Variants in PCDHGA9 observed in about 807,000 individuals in gnomAD.
The protein encoded by PCDHGA9 is protocadherin gamma-A9.
Under a neutral mutation model 62.5 loss-of-function variants are expected in PCDHGA9, and 37 were observed. The ratio of observed to expected loss-of-function variants is 0.59; its 90% CI spans 0.46 to 0.78. The LOEUF is 0.78. Ranked by LOEUF, PCDHGA9 falls within the 30% of genes least tolerant of loss-of-function variation. The probability of loss-of-function intolerance (pLI) is 0.00; values close to 1 mark genes in which losing one functional copy is unlikely to be tolerated. For synonymous variants in PCDHGA9, 459 were observed against 484.6 expected (o/e 0.95, Z 0.69); for missense variants, 1,138 against 1,166.2 (o/e 0.98, Z 0.35).
intron 1 of PCDHGA9, chr5:141,415,059 C>A: frequency 1.2e-6 from 2 of 1,613,396 alleles, no homozygotes; most frequent in Non-Finnish European, 1.7e-6. Flanking sequence ...AGCACACGGG[C>A]GAGGTGCGCA....
Position 141,485,741 on chromosome 5 carries a change from C to A in PCDHGA9, c.2425-9066C>A. 6.2e-7 allele frequency: 1 copy of A among 1,614,180 alleles called. No homozygotes were observed. Among genetic ancestry groups the A allele is most frequent in the Non-Finnish European group, 8.5e-7 (1 of 1,179,992 alleles). On this transcript the variant is annotated intron_variant, in intron 1 of 3. Coordinates refer to ENST00000573521, the MANE Select transcript of PCDHGA9 (RefSeq NM_018921.3). This position sits in a 1 kb window ranked among gnomAD's most constrained non-coding sequence, Gnocchi z 5.7. ...TGTGAAGAAGCGCAGCGACGGCAGC[C>A]TGGTCCCAGAGCTGCTCCTGGAGAA...
chr5:141,459,699 A>G (rs2098973201), intron 1 of PCDHGA9, among the ~76,000 whole-genome samples: 1 of 152,218 alleles, frequency 6.6e-6, no homozygotes, highest in Non-Finnish European at 1.5e-5. Flanking sequence ...TCCGCTTGCT[A>G]CATTTTCTCA....
Position 141,486,734 on chromosome 5 carries a change from C to A in PCDHGA9, c.2425-8073C>A. ...CCAGACAGGAGCTGTTCATGCTACT[C>A]GATCCTTTGACTATGAGCAAACCCA... On this transcript the variant is annotated intron_variant, in intron 1 of 3. Transcript: ENST00000573521. The surrounding 1 kb of genome is among the most constrained non-coding windows in gnomAD (Gnocchi z 5.0). The A allele has an allele frequency of 1.2e-6, 2 of 1,614,188 alleles. No homozygotes were observed. Among genetic ancestry groups the A allele is most frequent in the Non-Finnish European group, 1.7e-6 (2 of 1,180,040 alleles).
At chr5:141,414,356 T>C in intron 1 of PCDHGA9, 1 of 1,613,950 alleles carries the variant, frequency 6.2e-7, no homozygotes, top group Non-Finnish European at 8.5e-7. Flanking sequence ...TTGGCGTATC[T>C]ACCATTTAAA....
chr5:141,498,726 G>T (rs2099785379), intron 2 of PCDHGA9, among the ~76,000 whole-genome samples: 1 of 152,172 alleles, frequency 6.6e-6, no homozygotes, highest in Admixed American at 6.5e-5. Context: ...GAGGTCAGGA[G>T]TTTGAGACCA....
intron 1 of PCDHGA9, among the ~76,000 whole-genome samples, chr5:141,473,873 C>CA (rs1471085914): frequency 2.6e-5 from 4 of 152,130 alleles, no homozygotes; most frequent in African/African-American, 7.2e-5. Flanking sequence ...GTGGAGAATG[C>CA]ATACACAAGG....
At chr5:141,416,657 A>C (rs1194195210) in intron 1 of PCDHGA9, 6 of 152,232 alleles carry the variant, frequency 3.9e-5, no homozygotes, top group Non-Finnish European at 7.3e-5. Context: ...TGTAAAAAAG[A>C]AAAGAATATA....
intron 1 of PCDHGA9, among the ~76,000 whole-genome samples, chr5:141,444,408 T>G (rs1591815532): frequency 6.6e-6 from 1 of 152,124 alleles, no homozygotes; most frequent in East Asian, 1.9e-4. Context: ...CAACCTCAGG[T>G]GATCTTCCCT....
chr5:141,467,993 C>A (rs984508296), intron 1 of PCDHGA9, among the ~76,000 whole-genome samples: 1 of 152,058 alleles, frequency 6.6e-6, no homozygotes, highest in Admixed American at 6.6e-5. Context: ...AACCACAATT[C>A]TTTCTTCCTC....
intron 3 of PCDHGA9, among the ~76,000 whole-genome samples, chr5:141,507,673 G>A (rs184362608): frequency 6.6e-5 from 10 of 152,368 alleles, no homozygotes; most frequent in Admixed American, 2.6e-4. Context: ...AAATCCAGAT[G>A]TTAAAAACAG....
chr5:141,481,317 C>T (rs2099535550), intron 1 of PCDHGA9, among the ~76,000 whole-genome samples: 1 of 152,182 alleles, frequency 6.6e-6, no homozygotes, highest in African/African-American at 2.4e-5. Context: ...CTTCCTAAAG[C>T]ACTAGCCCCT....
chr5:141,499,721 G>GTC (rs1434016871), intron 2 of PCDHGA9, among the ~76,000 whole-genome samples: 69 of 135,416 alleles, frequency 5.1e-4, no homozygotes, highest in African/African-American at 1.9e-3. Flanking sequence ...TGGAGACAGA[G>GTC]TCTCACTCTC....
At chr5:141,466,213 C>G (rs2099118871) in intron 1 of PCDHGA9, among the ~76,000 whole-genome samples, 1 of 151,958 alleles carries the variant, frequency 6.6e-6, no homozygotes, top group South Asian at 2.1e-4. Flanking sequence ...CTCTGTTACC[C>G]AGGCTGGAGT....
chr5:141,469,206 AG>A (rs1457933263), intron 1 of PCDHGA9, among the ~76,000 whole-genome samples: 1 of 150,920 alleles, frequency 6.6e-6, no homozygotes, highest in African/African-American at 2.4e-5. Context: ...AGCCTTTTGA[AG>A]TTGAGGCTTC....
At chr5:141,415,045 G>A (rs2095819214) in intron 1 of PCDHGA9, 23 of 1,613,538 alleles carry the variant, frequency 1.4e-5, no homozygotes, top group Non-Finnish European at 1.8e-5. Flanking sequence ...CTTCGCGGTG[G>A]GGGAGCACAC....
chr5:141,404,917 G>A lies in PCDHGA9; in HGVS notation c.1965G>A (p.Ser655=), dbSNP rs750464541. The change falls in exon 1 of 4, where the codon TCG becomes TCA. Residue 655 remains serine (S), a synonymous_variant. Transcript: ENST00000573521. ...AVQDHGQPPL[S]ATVTLTVAIA... ...AGGACCATGGCCAGCCCCCTCTCTCGGCCACTGTCACGCTCACAGTAGCCA... is the reference window on the plus strand; with the variant it reads ...AGGACCATGGCCAGCCCCCTCTCTCAGCCACTGTCACGCTCACAGTAGCCA... 37 of 1,613,652 alleles carry A rather than the reference G, an allele frequency of 2.3e-5. No individual in the cohort carries two copies. Among genetic ancestry groups the A allele is most frequent in the Middle Eastern group, 3.3e-4 (2 of 6,084 alleles).
At chr5:141,458,735 A>G (rs2098952642) in intron 1 of PCDHGA9, among the ~76,000 whole-genome samples, 1 of 148,560 alleles carries the variant, frequency 6.7e-6, no homozygotes, top group East Asian at 2.0e-4. Context: ...ACATCCAGCT[A>G]TTGGTTTTGG....
intron 1 of PCDHGA9, among the ~76,000 whole-genome samples, chr5:141,437,360 G>T (rs1432098876): frequency 6.6e-6 from 1 of 152,144 alleles, no homozygotes; most frequent in Non-Finnish European, 1.5e-5. Context: ...ACCTAAAATT[G>T]GAATGTAATC....
intron 1 of PCDHGA9, among the ~76,000 whole-genome samples, chr5:141,488,225 T>G (rs2099673126): frequency 6.6e-6 from 1 of 152,136 alleles, no homozygotes. Flanking sequence ...CTACTGGGGA[T>G]TTGAACTAGA....
Sources: gnomAD v4.1 joint callset for allele counts (sites outside exome capture counted in the v4.1 genomes callset) on GRCh38, gnomAD v4.1.1 for gene constraint, Gnocchi (gnomAD v3.1) non-coding constraint, MANE v1.5 for transcripts, NCBI Gene and HGNC (gene_info 2026-07-23, HGNC 2026-07-21) for gene names.